DUXA: variants seen among roughly 807,000 people sequenced by gnomAD.
DUXA encodes the protein double homeobox protein A.
In DUXA, 25 loss-of-function variants were observed where a neutral mutation model predicts 27.5. The observed-to-expected ratio is 0.91, with a 90% confidence interval of 0.66 to 1.27. DUXA has a LOEUF of 1.27. DUXA is among the 50% of genes most tolerant of loss of function. DUXA has a pLI of 0.00. For missense variants in DUXA, 247 were observed against 242.9 expected, an observed-to-expected ratio of 1.02 and a Z score of -0.11; for synonymous variants, 90 against 80.5, an observed-to-expected ratio of 1.12 and a Z score of -0.63.
intron 4 of DUXA, 31 bp downstream of exon 4, chr19:57,158,297 G>A (rs753751287): frequency 1.6e-5 from 25 of 1,610,286 alleles, no homozygotes; most frequent in Non-Finnish European, 2.0e-5. Flanking sequence ...AGATCCCTAG[G>A]AGATGGGACA....
chr19:57,164,136 T>A (rs1285899182), intron 1 of DUXA, among the ~76,000 whole-genome samples: 4 of 152,194 alleles, frequency 2.6e-5, no homozygotes, highest in Non-Finnish European at 5.9e-5. Flanking sequence ...TAATGAACAC[T>A]GATGCAAAAA....
intron 1 of DUXA, 83 bp from the exon 2 acceptor site, chr19:57,160,880 C>T (rs2087017592): frequency 1.3e-6 from 2 of 1,501,756 alleles, no homozygotes; most frequent in South Asian, 2.4e-5. Flanking sequence ...TCTCTCACTT[C>T]CTCTTCCCAA....
chr19:57,154,448 AGTGAAGTTG>A lies in DUXA; in HGVS notation c.570_578del (p.Asn191_Thr193del), dbSNP rs1373242462. ...TGGCTCCAGAGAAATGAGAGTCACT[AGTGAAGTTG>A]GTGCCATTTTGTGTATCTTCTGCAC... is the stretch of plus-strand genomic sequence containing the variant. On this transcript the variant is annotated inframe_deletion, in exon 6 of 6. Transcript: ENST00000554048. 3.7e-6 allele frequency: 6 copies of A among 1,613,656 alleles called. No individual in the cohort carries two copies. The highest frequency in any genetic ancestry group is 4.2e-6 in the Non-Finnish European group (5 of 1,179,712).
At chr19:57,157,887 A>T (rs13344504) in intron 4 of DUXA, among the ~76,000 whole-genome samples, 9 of 151,432 alleles carry the variant, frequency 5.9e-5, no homozygotes, top group East Asian at 4.0e-4. Flanking sequence ...CTAGCTACTC[A>T]GGCAGCTGAA....
chr19:57,163,525 C>G (rs1052172968), intron 1 of DUXA, among the ~76,000 whole-genome samples: 3 of 152,030 alleles, frequency 2.0e-5, no homozygotes, highest in African/African-American at 7.2e-5. Context: ...CTCACTGCAG[C>G]CTCAGTCTCC....
chr19:57,154,155 T>C lies in DUXA; in HGVS notation c.*257A>G, dbSNP rs537316373. ...CTCCTACAGTCCTTTTCATTTATTTTGTTTTTTTATAATAGAGGCAGAGTC... is the reference window on the plus strand; with the variant it reads ...CTCCTACAGTCCTTTTCATTTATTTCGTTTTTTTATAATAGAGGCAGAGTC... On this transcript the variant is annotated 3_prime_UTR_variant, in exon 6 of 6. Transcript: ENST00000554048. 7.8e-6 allele frequency: 3 copies of C among 382,960 alleles called. No individual in the cohort carries two copies. In the East Asian group the frequency reaches 1.6e-4, roughly 20 times the overall value. 23.7% of individuals were successfully genotyped at this position (382,960 alleles called of 1,614,324 possible).
intron 1 of DUXA, 131 bp from the exon 2 acceptor site, chr19:57,160,928 C>CA (rs2087017820): frequency 1.0e-6 from 1 of 1,003,904 alleles, no homozygotes; most frequent in Non-Finnish European, 1.5e-6. Context: ...TACCCTCATA[C>CA]AAGTATGGAG....
intron 1 of DUXA, among the ~76,000 whole-genome samples, chr19:57,163,935 C>T (rs1488452791): frequency 1.3e-5 from 2 of 152,038 alleles, no homozygotes; most frequent in African/African-American, 4.8e-5. Context: ...ACAGTTTAGA[C>T]TGGGCGTAGG....
At chr19:57,154,723 T>C (rs12981544) in intron 5 of DUXA, among the ~76,000 whole-genome samples, 69,852 of 151,724 alleles carry the variant, frequency 0.46, 16,718 homozygotes, top group South Asian at 0.54. Flanking sequence ...GCCACCACGC[T>C]CGGCTAATTG....
At chr19:57,158,562 C>T (rs778143964) in intron 3 of DUXA, 89 bp from the exon 4 acceptor site, 22 of 1,486,020 alleles carry the variant, frequency 1.5e-5, no homozygotes, top group Non-Finnish European at 1.9e-5. Flanking sequence ...CCAAACTTGT[C>T]ACTCTCCCTC....
intron 5 of DUXA, among the ~76,000 whole-genome samples, 162 bp from the exon 6 acceptor site, chr19:57,154,644 A>G (rs967429108): frequency 1.3e-5 from 2 of 151,300 alleles, no homozygotes; most frequent in Admixed American, 6.6e-5. Context: ...GCTCACTGCA[A>G]GCTCCGCCTC....
intron 3 of DUXA, among the ~76,000 whole-genome samples, chr19:57,158,744 G>C (rs1308732425): frequency 6.6e-6 from 1 of 152,178 alleles, no homozygotes; most frequent in Non-Finnish European, 1.5e-5. Flanking sequence ...GGCACTTTAA[G>C]AGACTGAGAG....
intron 4 of DUXA, among the ~76,000 whole-genome samples, chr19:57,156,441 G>A (rs11878515): frequency 0.019 from 2,821 of 151,996 alleles, 85 homozygotes; most frequent in African/African-American, 0.064. Flanking sequence ...TCACTCTATC[G>A]CCCAGGCTAG....
At chr19:57,164,207 A>C (rs56227739) in intron 1 of DUXA, among the ~76,000 whole-genome samples, 1 of 152,172 alleles carries the variant, frequency 6.6e-6, no homozygotes, top group Non-Finnish European at 1.5e-5. Context: ...TCATGACCAC[A>C]TGGGATTTAT....
At chr19:57,158,180 T>TG (rs777933533) in intron 4 of DUXA, 148 bp downstream of exon 4, 31 of 877,912 alleles carry the variant, frequency 3.5e-5, no homozygotes, top group African/African-American at 5.0e-5. Flanking sequence ...TGTGGGCACC[T>TG]GGGGGTAGAA....
chr19:57,166,586 G>A (rs1045284092), intron 1 of DUXA, among the ~76,000 whole-genome samples: 4 of 152,206 alleles, frequency 2.6e-5, no homozygotes, highest in Non-Finnish European at 4.4e-5. Context: ...GGGATTACAG[G>A]CGTGAGCCAC....
At chr19:57,162,043 C>T (rs1309919914) in intron 1 of DUXA, among the ~76,000 whole-genome samples, 1 of 151,946 alleles carries the variant, frequency 6.6e-6, no homozygotes, top group African/African-American at 2.4e-5. Flanking sequence ...GGTGCACACC[C>T]CCACACCCAG....
intron 1 of DUXA, among the ~76,000 whole-genome samples, chr19:57,161,510 C>T (rs1212601532): frequency 8.0e-5 from 12 of 149,532 alleles, no homozygotes; most frequent in Admixed American, 8.0e-4. Flanking sequence ...GTAGTCCCAG[C>T]TACTCCGGAG....
rs2087007503 is a variant in DUXA, at chr19:57,159,157, G to A, written c.292+10C>T. ...CTCTGCTGGGGAACAGAACTAAGAG[G>A]GTTATTTACTTTGAAACTCCACACC... is the stretch of plus-strand genomic sequence containing the variant. On this transcript the variant is annotated intron_variant, in intron 3 of 5. Transcript: ENST00000554048. 1 of 1,609,480 alleles carries A rather than the reference G, an allele frequency of 6.2e-7. No homozygotes were observed.
Sources: gnomAD v4.1 joint callset for allele counts (sites outside exome capture counted in the v4.1 genomes callset) on GRCh38, gnomAD v4.1.1 for gene constraint, MANE v1.5 for transcripts, NCBI Gene and HGNC (gene_info 2026-07-23, HGNC 2026-07-21) for gene names.